WIPI2: variants seen among roughly 807,000 people sequenced by gnomAD.
WIPI2 encodes WD repeat domain, phosphoinositide interacting 2, also known as WD repeat domain phosphoinositide-interacting protein 2.
In WIPI2, 28 loss-of-function variants were observed where a neutral mutation model predicts 52.3. The observed-to-expected ratio is 0.54, with a 90% CI of 0.40 to 0.73. The LOEUF (loss-of-function observed/expected upper bound fraction) is 0.73, where lower values mean the gene tolerates loss of function less well. Among genes scored for constraint, WIPI2 ranks in the 30% least tolerant of loss-of-function variants. WIPI2 has a pLI of 0.00. For synonymous variants in WIPI2, 268 were observed against 245.0 expected, an observed-to-expected ratio of 1.09 and a Z score of -0.88; for missense variants, 506 against 602.9, an observed-to-expected ratio of 0.84 and a Z score of 1.68.
At position 5,199,670 on chromosome 7, in the gene WIPI2, C is replaced by G. The variant is rs774665135; in HGVS notation, c.211+12C>G. On this transcript the variant is annotated intron_variant, in intron 3 of 12. Transcript: ENST00000288828. ...GATCTATGAATGCAGTAAGTGTTTG[C>G]TTTATTTTTCCCCTTCTTAAAAAAA... 1 of 1,559,572 alleles carries G rather than the reference C, an allele frequency of 6.4e-7. No individual in the cohort carries two copies. Among genetic ancestry groups the G allele is most frequent in the Non-Finnish European group, 8.6e-7 (1 of 1,160,484 alleles).
intron 7 of WIPI2, among the ~76,000 whole-genome samples, chr7:5,220,688 C>A (rs1048459689): frequency 2.6e-5 from 4 of 151,988 alleles, no homozygotes; most frequent in African/African-American, 9.7e-5. Flanking sequence ...GTTGCCCAGG[C>A]TGGTCTTGAA....
intron 9 of WIPI2, chr7:5,226,214 C>T (rs979717873): frequency 1.1e-4 from 44 of 414,050 alleles, no homozygotes; most frequent in Admixed American, 2.3e-4. Context: ...TGAAGATGGC[C>T]TCTCCTCAGG....
chr7:5,200,686 T>C (rs73048017), intron 3 of WIPI2, among the ~76,000 whole-genome samples: 21,596 of 152,170 alleles, frequency 0.14, 2,050 homozygotes, highest in Non-Finnish European at 0.21. Flanking sequence ...TGGTGACTTT[T>C]AATTATGGTG....
chr7:5,190,785 C>A (rs928635781), intron 1 of WIPI2: 3 of 283,918 alleles, frequency 1.1e-5, no homozygotes, highest in Non-Finnish European at 2.0e-5. Flanking sequence ...AACTACTTCT[C>A]GCAAAGTTGG....
chr7:5,223,504 C>T (rs1468477283), intron 8 of WIPI2, among the ~76,000 whole-genome samples: 3 of 152,194 alleles, frequency 2.0e-5, no homozygotes, highest in African/African-American at 7.2e-5. Flanking sequence ...CTCCTCGTGT[C>T]CCTTGGTCTT....
intron 3 of WIPI2, among the ~76,000 whole-genome samples, chr7:5,203,680 T>C (rs1224183968): frequency 7.2e-6 from 1 of 138,792 alleles, no homozygotes; most frequent in Non-Finnish European, 1.5e-5. Context: ...TAGCCCAGGC[T>C]GGAGTGTAGT....
intron 2 of WIPI2, 26 bp from the exon 3 acceptor site, chr7:5,199,550 T>A (rs1286459244): frequency 6.3e-7 from 1 of 1,596,072 alleles, no homozygotes. Flanking sequence ...TATCAGCTCT[T>A]ATTTCTGAAT....
intron 2 of WIPI2, among the ~76,000 whole-genome samples, chr7:5,195,043 C>G (rs1391706735): frequency 6.6e-6 from 1 of 152,122 alleles, no homozygotes; most frequent in Non-Finnish European, 1.5e-5. Flanking sequence ...TAGAGAAGGA[C>G]AGGCCTACTC....
intron 3 of WIPI2, among the ~76,000 whole-genome samples, chr7:5,211,565 G>T (rs561188085): frequency 1.3e-5 from 2 of 152,310 alleles, no homozygotes; most frequent in African/African-American, 4.8e-5. Context: ...TTACCTAGCA[G>T]GTGAGTTCAC....
In WIPI2 at chr7:5,217,275, G is replaced by A. The variant is rs111840385; in HGVS notation, c.576+88G>A. 9.5e-6 allele frequency: 13 copies of A among 1,371,642 alleles called. No homozygotes were observed. The African/African-American group carries it at 1.1e-4, about 12-fold the overall frequency. 85.0% of individuals were successfully genotyped at this position (1,371,642 alleles called of 1,614,324 possible). A position where few individuals can be genotyped will look rare whatever the true frequency, so the allele number is the denominator to read the frequency against. On this transcript the variant is annotated intron_variant, in intron 6 of 12. Coordinates refer to ENST00000288828, the MANE Select transcript of WIPI2 (RefSeq NM_015610.4). ...TGTGGTGTCCCTGGCATCCTGACTTGGCTCAGCAATACAACCGCTGCACTT... is the reference window on the plus strand; with the variant it reads ...TGTGGTGTCCCTGGCATCCTGACTTAGCTCAGCAATACAACCGCTGCACTT...
chr7:5,201,051 G>C (rs548106732), intron 3 of WIPI2, among the ~76,000 whole-genome samples: 5 of 152,232 alleles, frequency 3.3e-5, no homozygotes, highest in Non-Finnish European at 7.3e-5. Context: ...GATAACATAG[G>C]TGTGAGCCAG....
chr7:5,224,300 C>T (rs1487046452), intron 8 of WIPI2, among the ~76,000 whole-genome samples: 1 of 152,224 alleles, frequency 6.6e-6, no homozygotes, highest in African/African-American at 2.4e-5. Flanking sequence ...CTCGAGGAGG[C>T]CTTTTTTTGA....
intron 1 of WIPI2, 128 bp from the exon 2 acceptor site, chr7:5,192,990 C>T (rs1781551403): frequency 3.6e-6 from 3 of 830,020 alleles, no homozygotes; most frequent in Non-Finnish European, 3.8e-6. Flanking sequence ...TATAACTGTC[C>T]TGCCTTTCTT....
chr7:5,228,199 T>C lies in WIPI2; in HGVS notation c.1109T>C (p.Met370Thr). 1 of 1,613,176 alleles carries C rather than the reference T, an allele frequency of 6.2e-7. No homozygotes were observed. The highest frequency in any genetic ancestry group is 8.5e-7 in the Non-Finnish European group (1 of 1,179,868). Residue 370 changes from methionine to threonine, a missense_variant, in exon 11 of 13, where the codon ATG becomes ACG. Transcript: ENST00000288828. ...DPQEGGECALMKQHRLDGSLE... is the reference protein window; with the variant it reads ...DPQEGGECALTKQHRLDGSLE... ...CAGGAGGGCGGCGAGTGTGCCCTGA[T>C]GAAGCAGCACCGGTGAGTCTGCTCC...
In WIPI2 at chr7:5,231,217, C is replaced by T; in HGVS notation, c.*270C>T. The T allele has an allele frequency of 2.7e-6, 1 of 366,228 alleles. No individual in the cohort carries two copies. The highest frequency in any genetic ancestry group is 4.9e-6 in the Non-Finnish European group (1 of 203,966). The allele number at this position is 366,228 out of a possible 1,614,324, so 22.7% of individuals were successfully genotyped here. A position where few individuals can be genotyped will look rare whatever the true frequency, so the allele number is the denominator to read the frequency against. ...GCCAAAATTAACTGTTTGGTGAAGCCCGCAAAACCTCCTCGCTTTGCATGC... is the reference window on the plus strand; with the variant it reads ...GCCAAAATTAACTGTTTGGTGAAGCTCGCAAAACCTCCTCGCTTTGCATGC... On this transcript the variant is annotated 3_prime_UTR_variant, in exon 13 of 13. Coordinates refer to ENST00000288828, the MANE Select transcript of WIPI2 (RefSeq NM_015610.4).
chr7:5,217,852 C>T, intron 6 of WIPI2, 70 bp from the exon 7 acceptor site: 1 of 1,497,980 alleles, frequency 6.7e-7, no homozygotes, highest in South Asian at 1.1e-5. Context: ...CACTTGCGGA[C>T]CAAGTGTCAG....
rs749014711 is a variant in WIPI2 at position 5,227,330 on chromosome 7, C to T, written c.999C>T (p.Ile333=). ...VRLPFCGHKN[I]CSLATIQKIP... ...TGCCATTCTGCGGCCACAAAAACATCTGCTCGCTAGCCACGTGAGTAGAGC... is the reference window on the plus strand; with the variant it reads ...TGCCATTCTGCGGCCACAAAAACATTTGCTCGCTAGCCACGTGAGTAGAGC... The change falls in exon 10 of 13, where the codon ATC becomes ATT. Residue 333 remains isoleucine (I), a synonymous_variant. Coordinates refer to ENST00000288828, the MANE Select transcript of WIPI2 (RefSeq NM_015610.4). The surrounding 1 kb of genome is among the most constrained non-coding windows in gnomAD (Gnocchi z 8.1). 1.2e-6 allele frequency: 2 copies of T among 1,613,428 alleles called. No homozygotes were observed. The highest frequency in any genetic ancestry group is 1.7e-6 in the Non-Finnish European group (2 of 1,180,036).
chr7:5,209,768 A>C (rs1782461671), intron 3 of WIPI2, among the ~76,000 whole-genome samples: 1 of 151,600 alleles, frequency 6.6e-6, no homozygotes, highest in Non-Finnish European at 1.5e-5. Flanking sequence ...TTGTTCCTCC[A>C]GGCAAGCAGT....
rs1442044249 is a variant in WIPI2, at chr7:5,227,097, G to C, written c.849-83G>C. On this transcript the variant is annotated intron_variant, in intron 9 of 12. Transcript: ENST00000288828. This position sits in a 1 kb window ranked among gnomAD's most constrained non-coding sequence, Gnocchi z 8.1. ...ATGGAGACTTTTGCTGTCGGCTCCA[G>C]AGCTGTGCGTCTGTGTGAGTAGGGG... The C allele has an allele frequency of 1.3e-6, 2 of 1,559,498 alleles. No homozygotes were observed. Among genetic ancestry groups the C allele is most frequent in the African/African-American group, 1.4e-5 (1 of 73,266 alleles).
Sources: gnomAD v4.1 joint callset for allele counts (sites outside exome capture counted in the v4.1 genomes callset) on GRCh38, gnomAD v4.1.1 for gene constraint, Gnocchi (gnomAD v3.1) non-coding constraint, MANE v1.5 for transcripts, NCBI Gene and HGNC (gene_info 2026-07-23, HGNC 2026-07-21) for gene names.